Variants in PCSK2 observed in about 807,000 individuals in gnomAD.
The protein encoded by PCSK2 is neuroendocrine convertase 2.
Under a neutral mutation model 69.7 loss-of-function variants are expected in PCSK2, and 14 were observed. The observed-to-expected ratio is 0.20, with a 90% CI of 0.13 to 0.31. The LOEUF (loss-of-function observed/expected upper bound fraction) is 0.31, where lower values mean the gene tolerates loss of function less well. Among genes scored for constraint, PCSK2 ranks in the 10% least tolerant of loss-of-function variants. The pLI is 1.00. For missense variants in PCSK2, 544 were observed against 842.5 expected (o/e 0.65, Z 4.39); for synonymous variants, 307 against 320.7 (o/e 0.96, Z 0.46).
intron 1 of PCSK2, among the ~76,000 whole-genome samples, chr20:17,253,623 G>A (rs1241761938): frequency 6.6e-6 from 1 of 152,016 alleles, no homozygotes; most frequent in African/African-American, 2.4e-5. Context: ...TAGCAATGTG[G>A]GTTGTTTCTA....
intron 10 of PCSK2, among the ~76,000 whole-genome samples, chr20:17,457,917 T>C (rs2032950336): frequency 6.6e-6 from 1 of 152,186 alleles, no homozygotes. Context: ...CCTAGATCCA[T>C]AGGCACACAA....
intron 6 of PCSK2, among the ~76,000 whole-genome samples, chr20:17,428,982 G>A (rs6111537): frequency 0.44 from 52,624 of 119,766 alleles, 12,326 homozygotes; most frequent in South Asian, 0.65. Context: ...CTGGGTGACC[G>A]AGGAGACTCT....
chr20:17,307,961 A>C (rs1989378915), intron 2 of PCSK2, among the ~76,000 whole-genome samples: 1 of 152,162 alleles, frequency 6.6e-6, no homozygotes, highest in African/African-American at 2.4e-5. Context: ...ATCATGGCAG[A>C]AGGTAAAAGG....
At chr20:17,421,807 T>TAAAAAAAAAAAAAAAAAAAA (rs56376793) in intron 6 of PCSK2, among the ~76,000 whole-genome samples, 1 of 78,972 alleles carries the variant, frequency 1.3e-5, no homozygotes, top group Non-Finnish European at 2.3e-5. Context: ...GGAAGAGAGG[T>TAAAAAAAAAAAAAAAAAAAA]AAAAAAAAAA....
intron 6 of PCSK2, among the ~76,000 whole-genome samples, chr20:17,413,380 A>G (rs1352802395): frequency 2.6e-5 from 4 of 152,236 alleles, no homozygotes; most frequent in Non-Finnish European, 4.4e-5. Context: ...AAGGGTTGCA[A>G]TTCTAGTCTC....
chr20:17,408,583 T>C (rs1463569345), intron 5 of PCSK2, among the ~76,000 whole-genome samples: 3 of 152,234 alleles, frequency 2.0e-5, no homozygotes, highest in Non-Finnish European at 2.9e-5. Context: ...TACATTTCTT[T>C]GTTTGATCTT....
At chr20:17,314,943 TAG>T (rs1433043429) in intron 2 of PCSK2, among the ~76,000 whole-genome samples, 1 of 152,120 alleles carries the variant, frequency 6.6e-6, no homozygotes, top group Non-Finnish European at 1.5e-5. Context: ...CTTGCAGAAA[TAG>T]AGATTTAGGA....
At chr20:17,234,259 G>T (rs559982487) in intron 1 of PCSK2, among the ~76,000 whole-genome samples, 13 of 152,162 alleles carry the variant, frequency 8.5e-5, no homozygotes, top group Middle Eastern at 3.4e-3. Context: ...TTTGTGATTT[G>T]TCTTCTCCAG....
At chr20:17,426,672 G>A (rs879903046) in intron 6 of PCSK2, among the ~76,000 whole-genome samples, 7 of 152,216 alleles carry the variant, frequency 4.6e-5, no homozygotes, top group Non-Finnish European at 7.3e-5. Context: ...GAGTCTGAAG[G>A]TAGCCTGCTA....
At chr20:17,317,598 C>A (rs1989728852) in intron 2 of PCSK2, among the ~76,000 whole-genome samples, 1 of 152,194 alleles carries the variant, frequency 6.6e-6, no homozygotes, top group Non-Finnish European at 1.5e-5. Context: ...TTCCTCTCCA[C>A]CTCAATACAA....
chr20:17,450,017 CTTTTTTTTTTTTTTT>C (rs61156656), intron 8 of PCSK2, among the ~76,000 whole-genome samples: 1 of 61,802 alleles, frequency 1.6e-5, no homozygotes, highest in Non-Finnish European at 2.9e-5. Flanking sequence ...AATTTCTTCC[CTTTTTTTTTTTTTTT>C]TTTTTTTTTT....
intron 2 of PCSK2, among the ~76,000 whole-genome samples, chr20:17,330,040 A>G (rs1382669146): frequency 6.6e-6 from 1 of 152,254 alleles, no homozygotes; most frequent in Non-Finnish European, 1.5e-5. Flanking sequence ...AAATAATAAT[A>G]TATTTATGTA....
chr20:17,343,490 C>G (rs1990565848), intron 2 of PCSK2, among the ~76,000 whole-genome samples: 1 of 152,226 alleles, frequency 6.6e-6, no homozygotes, highest in South Asian at 2.1e-4. Context: ...CCTCACTTCT[C>G]CAGCATGAAT....
chr20:17,253,049 G>C (rs1987048333), intron 1 of PCSK2, among the ~76,000 whole-genome samples: 1 of 152,028 alleles, frequency 6.6e-6, no homozygotes, highest in African/African-American at 2.4e-5. Flanking sequence ...ACCTTATAGG[G>C]AAACTTTTCT....
intron 5 of PCSK2, among the ~76,000 whole-genome samples, chr20:17,401,462 T>A (rs550986402): frequency 6.6e-6 from 1 of 152,168 alleles, no homozygotes; most frequent in South Asian, 2.1e-4. Context: ...TCCACCCTCA[T>A]GACCTAATTA....
intron 2 of PCSK2, among the ~76,000 whole-genome samples, chr20:17,283,528 G>C (rs1988397709): frequency 6.6e-6 from 1 of 152,152 alleles, no homozygotes; most frequent in African/African-American, 2.4e-5. Context: ...AGACTAAATG[G>C]ATGGGGTGCT....
At position 17,312,430 on chromosome 20, in the gene PCSK2, T is replaced by C. The variant is rs949170386; in HGVS notation, c.283-45897T>C. Among the ~76,000 whole-genome samples the C allele has an allele frequency of 3.2e-4, 49 of 152,178 alleles. 1 individual carries two copies. Among genetic ancestry groups the C allele is most frequent in the African/African-American group, 1.1e-3 (46 of 41,446 alleles). ...AAATACTTCCAAAACCATTAACTCATTTGATCCATGTATCAATTCTATGAA... is the reference window on the plus strand; with the variant it reads ...AAATACTTCCAAAACCATTAACTCACTTGATCCATGTATCAATTCTATGAA... On this transcript the variant is annotated intron_variant, in intron 2 of 11. Coordinates refer to ENST00000262545, the MANE Select transcript of PCSK2 (RefSeq NM_002594.5).
chr20:17,429,654 T>C, intron 7 of PCSK2, 131 bp downstream of exon 7: 1 of 576,674 alleles, frequency 1.7e-6, no homozygotes, highest in Non-Finnish European at 3.0e-6. Flanking sequence ...GTGAAAAAAA[T>C]TTTTTTCTTT....
intron 2 of PCSK2, among the ~76,000 whole-genome samples, chr20:17,338,573 G>A (rs6111514): frequency 6.6e-6 from 1 of 152,092 alleles, no homozygotes; most frequent in African/African-American, 2.4e-5. Flanking sequence ...GATCATTTCA[G>A]GAGAGTAGCA....
Sources: gnomAD v4.1 joint callset for allele counts (sites outside exome capture counted in the v4.1 genomes callset) on GRCh38, gnomAD v4.1.1 for gene constraint, MANE v1.5 for transcripts, NCBI Gene and HGNC (gene_info 2026-07-23, HGNC 2026-07-21) for gene names.